The following UNC13C variants were observed in gnomAD, a reference collection of about 807,000 sequenced individuals.
UNC13C encodes the protein unc-13 homolog C.
In UNC13C, 174 loss-of-function variants were observed where a neutral mutation model predicts 245.4. That is an observed-to-expected ratio of 0.71 (90% confidence interval 0.63 to 0.80). The LOEUF is 0.80. Ranked by LOEUF, UNC13C falls within the 30% of genes least tolerant of loss-of-function variation. The pLI is 0.00. For missense variants in UNC13C, 2,829 were observed against 2,602.9 expected (o/e 1.09, Z -1.89); for synonymous variants, 992 against 895.1 (o/e 1.11, Z -1.93).
At chr15:53,908,308 G>T in the UNC13C span, among the ~76,000 whole-genome samples, 1 of 146,322 alleles carries the variant, frequency 6.8e-6, no homozygotes, top group East Asian at 2.0e-4. Flanking sequence ...AAGACTTAGG[G>T]AATACTGTAA....
At chr15:54,113,843 T>C (rs896030065) in intron 2 of UNC13C, among the ~76,000 whole-genome samples, 11 of 151,974 alleles carry the variant, frequency 7.2e-5, no homozygotes, top group Non-Finnish European at 4.4e-5. Context: ...TAAAGAAAAA[T>C]TTAAAAACCT....
At chr15:54,163,976 T>C (rs983043297) in intron 4 of UNC13C, among the ~76,000 whole-genome samples, 1 of 152,162 alleles carries the variant, frequency 6.6e-6, no homozygotes, top group Non-Finnish European at 1.5e-5. Flanking sequence ...ATGGCTGTAA[T>C]AGCATTTGGT....
chr15:53,939,410 AAAG>A, the UNC13C span, among the ~76,000 whole-genome samples: 480 of 152,344 alleles, frequency 3.2e-3, 2 homozygotes, highest in Middle Eastern at 6.8e-3. Context: ...CCAGAGGTAC[AAAG>A]AAGAGCCAGT....
chr15:53,985,098 A>C (rs909186286), intron 1 of UNC13C, among the ~76,000 whole-genome samples: 1 of 151,384 alleles, frequency 6.6e-6, no homozygotes, highest in African/African-American at 2.4e-5. Flanking sequence ...CCCTCCCCTC[A>C]ATCCCCACCC....
chr15:54,337,648 C>G (rs2038619722), intron 16 of UNC13C, among the ~76,000 whole-genome samples: 2 of 152,194 alleles, frequency 1.3e-5, no homozygotes, highest in African/African-American at 4.8e-5. Flanking sequence ...GCATCATCTT[C>G]TCTAGACTAA....
intron 8 of UNC13C, 128 bp from the exon 9 acceptor site, chr15:54,264,040 A>G: frequency 1.1e-6 from 1 of 881,564 alleles, no homozygotes. Flanking sequence ...ATTTTTCTAA[A>G]AAGCCACCTG....
chr15:54,576,881 A>C (rs1384992769), intron 30 of UNC13C, among the ~76,000 whole-genome samples: 2 of 152,242 alleles, frequency 1.3e-5, no homozygotes, highest in African/African-American at 4.8e-5. Context: ...CCAGTAGAGT[A>C]CTGGATGCAA....
At chr15:54,177,866 G>A (rs2033667418) in intron 4 of UNC13C, among the ~76,000 whole-genome samples, 1 of 152,006 alleles carries the variant, frequency 6.6e-6, no homozygotes, top group South Asian at 2.1e-4. Flanking sequence ...ATAAAATCCT[G>A]TGATATGTTG....
upstream of UNC13C, among the ~76,000 whole-genome samples, chr15:53,977,316 TGTTTTGCCACAA>T (rs1294941772): frequency 6.6e-6 from 1 of 152,150 alleles, no homozygotes; most frequent in Non-Finnish European, 1.5e-5. Context: ...GTAGGTGAAA[TGTTTTGCCACAA>T]GTTTTGCCAC....
chr15:54,184,554 G>C (rs1376911057), intron 4 of UNC13C, among the ~76,000 whole-genome samples: 1 of 152,064 alleles, frequency 6.6e-6, no homozygotes, highest in Non-Finnish European at 1.5e-5. Flanking sequence ...TGCTGAGAAT[G>C]ATGGTTTCCA....
chr15:54,284,378 C>A (rs1439741030), intron 10 of UNC13C, among the ~76,000 whole-genome samples: 2 of 152,070 alleles, frequency 1.3e-5, no homozygotes, highest in Non-Finnish European at 2.9e-5. Context: ...ATTTATTATG[C>A]AAACGATTTT....
At chr15:54,066,515 G>A (rs1016308647) in intron 2 of UNC13C, among the ~76,000 whole-genome samples, 8 of 152,184 alleles carry the variant, frequency 5.3e-5, no homozygotes, top group Non-Finnish European at 7.4e-5. Flanking sequence ...ACAGAGAGGT[G>A]CTATAGGCCA....
intron 17 of UNC13C, among the ~76,000 whole-genome samples, chr15:54,350,661 T>A (rs1400926364): frequency 2.6e-5 from 4 of 152,154 alleles, no homozygotes; most frequent in Non-Finnish European, 5.9e-5. Context: ...AGTATAAAAC[T>A]CAGATTTAAT....
chr15:54,556,584 A>G (rs1427801166), intron 29 of UNC13C, among the ~76,000 whole-genome samples: 1 of 152,058 alleles, frequency 6.6e-6, no homozygotes, highest in African/African-American at 2.4e-5. Context: ...GGAAATATGG[A>G]AAATTTGCAA....
At chr15:54,152,263 C>G (rs2032553124) in intron 4 of UNC13C, among the ~76,000 whole-genome samples, 1 of 152,132 alleles carries the variant, frequency 6.6e-6, no homozygotes. Context: ...GGAGTGCCAA[C>G]TTAATATGGC....
At chr15:53,989,506 T>A (rs565030132) in intron 1 of UNC13C, among the ~76,000 whole-genome samples, 35 of 152,194 alleles carry the variant, frequency 2.3e-4, no homozygotes, top group Middle Eastern at 3.4e-3. Context: ...TTTACCTATT[T>A]TGCCATTAAA....
chr15:54,436,702 G>C (rs1320467247), intron 19 of UNC13C, among the ~76,000 whole-genome samples: 1 of 151,762 alleles, frequency 6.6e-6, no homozygotes, highest in Admixed American at 6.6e-5. Flanking sequence ...TTAGGACAAA[G>C]ACCTAATGCA....
chr15:54,239,149 A>G (rs2035785390), intron 7 of UNC13C, among the ~76,000 whole-genome samples: 2 of 152,204 alleles, frequency 1.3e-5, no homozygotes, highest in South Asian at 4.1e-4. Context: ...AAATTCTGCC[A>G]CAAATATTAT....
At chr15:54,326,615 A>C (rs1208427306) in intron 14 of UNC13C, among the ~76,000 whole-genome samples, 3 of 152,066 alleles carry the variant, frequency 2.0e-5, no homozygotes, top group Non-Finnish European at 4.4e-5. Flanking sequence ...CATGAGAAGC[A>C]TGATGGATAG....
Sources: gnomAD v4.1 joint callset for allele counts (sites outside exome capture counted in the v4.1 genomes callset) on GRCh38, gnomAD v4.1.1 for gene constraint, MANE v1.5 for transcripts, NCBI Gene and HGNC (gene_info 2026-07-23, HGNC 2026-07-21) for gene names.